Variants in DNER observed in about 807,000 individuals in gnomAD.
The protein encoded by DNER is delta and Notch-like epidermal growth factor-related receptor.
In DNER, 33 loss-of-function variants were observed where a neutral mutation model predicts 78.2. The ratio of observed to expected loss-of-function variants is 0.42; its 90% CI spans 0.32 to 0.56. DNER has a LOEUF of 0.56. Ranked by LOEUF, DNER falls within the 20% of genes least tolerant of loss-of-function variation. DNER has a pLI of 0.11. For missense variants in DNER, 918 were observed against 975.3 expected (o/e 0.94, Z 0.78); for synonymous variants, 417 against 384.8 (o/e 1.08, Z -0.98).
Position 229,363,793 on chromosome 2 carries a change from A to G in DNER, c.2102+3080T>C, listed in dbSNP as rs1692270778. Among the ~76,000 whole-genome samples the G allele has an allele frequency of 2.6e-5, 4 of 152,220 alleles. No homozygotes were observed. The South Asian group carries it at 8.3e-4, about 32-fold the overall frequency. Reference sequence around the variant, plus strand: ...TCTTAAACTATTTTGGGGCTGAGTTAAACACTCCACCACTTGAGCCCTGAA... The same window carrying G: ...TCTTAAACTATTTTGGGGCTGAGTTGAACACTCCACCACTTGAGCCCTGAA... On this transcript the variant is annotated intron_variant, in intron 12 of 12. Coordinates refer to ENST00000341772, the MANE Select transcript of DNER (RefSeq NM_139072.4).
At chr2:229,388,639 A>G (rs1232280610) in intron 10 of DNER, among the ~76,000 whole-genome samples, 2 of 80,632 alleles carry the variant, frequency 2.5e-5, no homozygotes, top group African/African-American at 4.7e-5. Flanking sequence ...ATATATATAT[A>G]TATATATAGC....
intron 1 of DNER, among the ~76,000 whole-genome samples, chr2:229,648,480 T>C (rs901278412): frequency 5.9e-5 from 9 of 152,234 alleles, no homozygotes. Flanking sequence ...TGCAGAGCTT[T>C]TGGGTGCTTG....
intron 1 of DNER, among the ~76,000 whole-genome samples, chr2:229,648,187 C>T (rs2154216195): frequency 6.6e-6 from 1 of 152,264 alleles, no homozygotes; most frequent in African/African-American, 2.4e-5. Flanking sequence ...GTCTTTTTCT[C>T]TTTCTGTTTA....
intron 1 of DNER, among the ~76,000 whole-genome samples, chr2:229,611,250 A>C (rs1228924868): frequency 2.6e-5 from 4 of 152,208 alleles, no homozygotes. Flanking sequence ...AGTCATTTGC[A>C]CATAAGTTGT....
At chr2:229,555,559 C>T in intron 4 of DNER, among the ~76,000 whole-genome samples, 1 of 151,162 alleles carries the variant, frequency 6.6e-6, no homozygotes, top group East Asian at 1.9e-4. Flanking sequence ...GTACCTCTTC[C>T]TGATCATTTT....
intron 6 of DNER, among the ~76,000 whole-genome samples, chr2:229,510,520 G>A (rs1194339577): frequency 6.6e-6 from 1 of 152,188 alleles, no homozygotes; most frequent in Admixed American, 6.5e-5. Flanking sequence ...AGAGGGTGGA[G>A]GATTTGAGAA....
intron 5 of DNER, among the ~76,000 whole-genome samples, chr2:229,532,667 C>T (rs1235378396): frequency 6.6e-6 from 1 of 152,246 alleles, no homozygotes; most frequent in Non-Finnish European, 1.5e-5. Flanking sequence ...CGACCAATTT[C>T]CTGGAAAGCA....
chr2:229,493,473 G>A (rs1183488411), intron 6 of DNER, among the ~76,000 whole-genome samples: 2 of 152,172 alleles, frequency 1.3e-5, no homozygotes, highest in East Asian at 3.9e-4. Context: ...ACAAGGCACA[G>A]GGCTTGGCAC....
chr2:229,401,107 A>G (rs770057643), intron 10 of DNER, among the ~76,000 whole-genome samples: 7 of 152,080 alleles, frequency 4.6e-5, no homozygotes, highest in Admixed American at 1.3e-4. Context: ...GGGGAATTCA[A>G]ACTGAAACCC....
chr2:229,361,439 G>C (rs1476698338), intron 12 of DNER, among the ~76,000 whole-genome samples: 2 of 152,176 alleles, frequency 1.3e-5, no homozygotes. Flanking sequence ...ATTCCAGCCT[G>C]ATGCCTGTTT....
At chr2:229,673,130 C>A (rs1699238517) in intron 1 of DNER, among the ~76,000 whole-genome samples, 1 of 152,216 alleles carries the variant, frequency 6.6e-6, no homozygotes, top group African/African-American at 2.4e-5. Context: ...TTAAGTCTGG[C>A]TTTCTGCTGG....
chr2:229,516,581 C>G (rs1442168067), intron 5 of DNER, among the ~76,000 whole-genome samples: 2 of 152,062 alleles, frequency 1.3e-5, no homozygotes, highest in African/African-American at 4.8e-5. Flanking sequence ...TAAAGAATCT[C>G]AATTTTCCTC....
chr2:229,607,295 G>A (rs1178061279), intron 1 of DNER, among the ~76,000 whole-genome samples: 1 of 152,140 alleles, frequency 6.6e-6, no homozygotes, highest in African/African-American at 2.4e-5. Flanking sequence ...AGATTTCTGA[G>A]TGCTTATGCT....
At chr2:229,620,964 C>T (rs1160006679) in intron 1 of DNER, among the ~76,000 whole-genome samples, 2 of 152,170 alleles carry the variant, frequency 1.3e-5, no homozygotes, top group Non-Finnish European at 2.9e-5. Context: ...CTGCTGACAC[C>T]TAATCTCAGA....
Position 229,499,931 on chromosome 2 carries a change from C to CTTTTTTTT in DNER, c.1147+12844_1147+12851dup, listed in dbSNP as rs58019962. Among the ~76,000 whole-genome samples, 714 of 134,762 alleles carry CTTTTTTTT rather than the reference C, an allele frequency of 5.3e-3. 4 individuals carry two copies. The highest frequency in any genetic ancestry group is 0.018 in the African/African-American group (687 of 37,602). The allele number at this position is 134,762 out of a possible 152,430, so 88.4% of individuals were successfully genotyped here. A position where few individuals can be genotyped will look rare whatever the true frequency, so the allele number is the denominator to read the frequency against. ...CAAAAAATCTGAATAGACTTTCTTT[C>CTTTTTTTT]TTTTTTTTTTTTTTTCTCTTCAAGA... On this transcript the variant is annotated intron_variant, in intron 6 of 12. Coordinates refer to ENST00000341772, the MANE Select transcript of DNER (RefSeq NM_139072.4).
chr2:229,386,632 A>C (rs1448872059), intron 11 of DNER, among the ~76,000 whole-genome samples: 1 of 152,030 alleles, frequency 6.6e-6, no homozygotes, highest in African/African-American at 2.4e-5. Context: ...CAAGAAAAAA[A>C]AAACAAACAA....
intron 5 of DNER, among the ~76,000 whole-genome samples, chr2:229,542,891 G>C (rs1696544249): frequency 6.6e-6 from 1 of 151,766 alleles, no homozygotes; most frequent in South Asian, 2.1e-4. Context: ...GTGCGTCTTA[G>C]AATGAAATGG....
intron 6 of DNER, among the ~76,000 whole-genome samples, chr2:229,481,199 A>C (rs1354401255): frequency 6.6e-6 from 1 of 152,210 alleles, no homozygotes; most frequent in African/African-American, 2.4e-5. Context: ...AATTAGACGT[A>C]TGGACCATGA....
At chr2:229,469,773 T>C (rs191555636) in intron 7 of DNER, among the ~76,000 whole-genome samples, 34 of 152,206 alleles carry the variant, frequency 2.2e-4, no homozygotes, top group South Asian at 6.2e-4. Flanking sequence ...CGAAATCCCG[T>C]CTCAACTAAA....
Sources: gnomAD v4.1 joint callset for allele counts (sites outside exome capture counted in the v4.1 genomes callset) on GRCh38, gnomAD v4.1.1 for gene constraint, MANE v1.5 for transcripts, NCBI Gene and HGNC (gene_info 2026-07-23, HGNC 2026-07-21) for gene names.